Variants in CDH18 observed in about 807,000 individuals in gnomAD.
CDH18 encodes the protein cadherin-18.
A neutral mutation model predicts 67.9 loss-of-function variants in CDH18; 31 were observed. That is an observed-to-expected ratio of 0.46 (90% confidence interval 0.34 to 0.62). The LOEUF is 0.62. Ranked by LOEUF, CDH18 falls within the 20% of genes least tolerant of loss-of-function variation. The pLI, the probability that CDH18 is intolerant of heterozygous loss-of-function variation, is 0.01. For synonymous variants in CDH18, 362 were observed against 347.2 expected (o/e 1.04, Z -0.48); for missense variants, 890 against 975.5 (o/e 0.91, Z 1.17).
Position 19,638,118 on chromosome 5 carries a change from C to A in CDH18, c.644-25517G>T, listed in dbSNP as rs116061435. On this transcript the variant is annotated intron_variant, in intron 5 of 12. Coordinates refer to ENST00000382275, the MANE Select transcript of CDH18 (RefSeq NM_004934.5). ...CAAATACCTTATATGAATGCTTATTCATATTAATACATAACAAGTCGACAG... is the reference window on the plus strand; with the variant it reads ...CAAATACCTTATATGAATGCTTATTAATATTAATACATAACAAGTCGACAG... Among the ~76,000 whole-genome samples the A allele has an allele frequency of 5.1e-3, 770 of 152,226 alleles. 4 individuals are homozygous for A. Among genetic ancestry groups the A allele is most frequent in the African/African-American group, 0.018 (742 of 41,526 alleles).
intron 1 of CDH18, among the ~76,000 whole-genome samples, chr5:20,473,710 A>G (rs535985776): frequency 6.6e-6 from 1 of 152,298 alleles, no homozygotes; most frequent in African/African-American, 2.4e-5. Flanking sequence ...TTTCAACAAT[A>G]AAGCACGATT....
intron 1 of CDH18, among the ~76,000 whole-genome samples, chr5:20,259,360 T>C (rs1457706429): frequency 1.3e-5 from 2 of 152,144 alleles, no homozygotes; most frequent in African/African-American, 4.8e-5. Flanking sequence ...GATATATAGC[T>C]GATCTTTGAA....
intron 2 of CDH18, among the ~76,000 whole-genome samples, chr5:20,228,764 T>A (rs1245864671): frequency 6.6e-6 from 1 of 152,112 alleles, no homozygotes; most frequent in East Asian, 1.9e-4. Flanking sequence ...TCCTCCACAT[T>A]CACCTATGTT....
At chr5:19,982,986 G>GTGAGCCAAGAT (rs199536730) in intron 1 of CDH18, among the ~76,000 whole-genome samples, 62,541 of 144,636 alleles carry the variant, frequency 0.43, 15,443 homozygotes, top group Middle Eastern at 0.62. Flanking sequence ...GGAGCTTGCA[G>GTGAGCCAAGAT]TGCGCCACTG....
intron 3 of CDH18, among the ~76,000 whole-genome samples, chr5:19,758,242 G>A (rs1771884456): frequency 6.6e-6 from 1 of 152,156 alleles, no homozygotes; most frequent in East Asian, 1.9e-4. Flanking sequence ...TTAATGATAG[G>A]CAGTACAGGT....
intron 6 of CDH18, among the ~76,000 whole-genome samples, chr5:19,609,692 T>C (rs932789775): frequency 6.6e-6 from 1 of 152,004 alleles, no homozygotes; most frequent in Non-Finnish European, 1.5e-5. Flanking sequence ...GCAAAATTTG[T>C]AGTTAGGGAT....
intron 11 of CDH18, among the ~76,000 whole-genome samples, chr5:19,498,317 C>T (rs547000355): frequency 4.6e-5 from 7 of 152,060 alleles, no homozygotes; most frequent in East Asian, 1.9e-4. Context: ...TGCCTCTGCT[C>T]GCAAGACATG....
intron 2 of CDH18, among the ~76,000 whole-genome samples, chr5:20,172,392 G>A (rs1441368092): frequency 5.3e-5 from 8 of 150,202 alleles, no homozygotes; most frequent in South Asian, 2.1e-4. Flanking sequence ...TTGCTTTCAC[G>A]TGTACTTTTA....
intron 2 of CDH18, among the ~76,000 whole-genome samples, chr5:20,111,295 T>C (rs1362209061): frequency 6.6e-6 from 1 of 152,150 alleles, no homozygotes; most frequent in South Asian, 2.1e-4. Context: ...TGTATACGCA[T>C]TTTGTATGAA....
At chr5:19,565,435 C>T (rs933587609) in intron 8 of CDH18, among the ~76,000 whole-genome samples, 2 of 152,114 alleles carry the variant, frequency 1.3e-5, no homozygotes, top group African/African-American at 2.4e-5. Context: ...TAGATTTTAC[C>T]CAAGACCACT....
At chr5:20,223,912 T>G (rs1026563524) in intron 2 of CDH18, among the ~76,000 whole-genome samples, 12 of 152,144 alleles carry the variant, frequency 7.9e-5, no homozygotes, top group Admixed American at 5.9e-4. Context: ...CTTTCCTTCA[T>G]AAATTAAAAA....
chr5:19,485,112 T>TATA (rs1740155878), intron 11 of CDH18, among the ~76,000 whole-genome samples: 1 of 152,146 alleles, frequency 6.6e-6, no homozygotes, highest in South Asian at 2.1e-4. Flanking sequence ...ATGTACTACA[T>TATA]ATAATAAAAC....
At chr5:19,685,505 A>G (rs1007168078) in intron 5 of CDH18, among the ~76,000 whole-genome samples, 5 of 152,028 alleles carry the variant, frequency 3.3e-5, no homozygotes, top group African/African-American at 1.2e-4. Flanking sequence ...CCTTTCCCTC[A>G]TGGGAGGTGC....
intron 1 of CDH18, among the ~76,000 whole-genome samples, chr5:20,447,792 G>A (rs1054693317): frequency 8.6e-5 from 13 of 151,942 alleles, no homozygotes; most frequent in East Asian, 1.9e-4. Context: ...TTTTCCTTCC[G>A]TTTACTACTC....
chr5:19,832,610 T>C (rs530591063), intron 3 of CDH18, among the ~76,000 whole-genome samples: 2 of 152,304 alleles, frequency 1.3e-5, no homozygotes, highest in Non-Finnish European at 2.9e-5. Flanking sequence ...CACACGCCTA[T>C]GTCCTATATG....
At chr5:20,237,821 T>G (rs1418064979) in intron 2 of CDH18, among the ~76,000 whole-genome samples, 1 of 151,840 alleles carries the variant, frequency 6.6e-6, no homozygotes, top group Non-Finnish European at 1.5e-5. Flanking sequence ...AAAATTCACA[T>G]GAAAATTTGA....
At chr5:20,356,751 C>A (rs200961405) in intron 1 of CDH18, among the ~76,000 whole-genome samples, 28,671 of 124,772 alleles carry the variant, frequency 0.23, 3,025 homozygotes, top group African/African-American at 0.27. Context: ...CTCTCTCTCT[C>A]TCTATATATA....
intron 2 of CDH18, among the ~76,000 whole-genome samples, chr5:19,997,894 A>G (rs1736137128): frequency 6.6e-6 from 1 of 152,194 alleles, no homozygotes; most frequent in Admixed American, 6.5e-5. Flanking sequence ...TAAGTTGGAC[A>G]ATAAAGAGAT....
chr5:20,446,168 T>C (rs1223682708), intron 1 of CDH18, among the ~76,000 whole-genome samples: 1 of 152,106 alleles, frequency 6.6e-6, no homozygotes, highest in Non-Finnish European at 1.5e-5. Context: ...AGATACAGTT[T>C]TAGGTTACCG....
Sources: allele counts gnomAD v4.1 joint callset (sites outside exome capture counted in the v4.1 genomes callset), GRCh38; gene constraint gnomAD v4.1.1; transcripts MANE v1.5; gene names NCBI Gene and HGNC (gene_info 2026-07-23, HGNC 2026-07-21).